The following CCDC178 variants were observed in gnomAD, a reference collection of about 807,000 sequenced individuals.
CCDC178 encodes coiled-coil domain containing 178, also known as coiled-coil domain-containing protein 178.
Under a neutral mutation model 117.4 loss-of-function variants are expected in CCDC178, and 126 were observed. The observed-to-expected ratio is 1.07, with a 90% CI of 0.93 to 1.24. CCDC178 has a LOEUF of 1.24. Ranked by LOEUF, CCDC178 falls within the 50% of genes most tolerant of loss-of-function variation. The probability of loss-of-function intolerance (pLI) is 0.00; values close to 1 mark genes in which losing one functional copy is unlikely to be tolerated. For missense variants in CCDC178, 1,030 were observed against 986.9 expected, an observed-to-expected ratio of 1.04 and a Z score of -0.59; for synonymous variants, 283 against 313.4, an observed-to-expected ratio of 0.90 and a Z score of 1.02.
intron 21 of CCDC178, among the ~76,000 whole-genome samples, chr18:33,044,898 C>G (rs982705922): frequency 6.6e-6 from 1 of 152,024 alleles, no homozygotes; most frequent in Admixed American, 6.6e-5. Flanking sequence ...GGCCATTGTT[C>G]TGAGGGAAAT....
At chr18:33,267,379 A>G (rs1369164785) in intron 12 of CCDC178, 82 bp from the exon 13 acceptor site, 9 of 781,932 alleles carry the variant, frequency 1.2e-5, no homozygotes, top group Admixed American at 8.7e-5. Flanking sequence ...TAATCATGAT[A>G]AAGTAGAATT....
intron 12 of CCDC178, among the ~76,000 whole-genome samples, chr18:33,285,973 GTA>G (rs2060094085): frequency 1.6e-5 from 1 of 62,680 alleles, no homozygotes; most frequent in Non-Finnish European, 3.3e-5. Flanking sequence ...TTAGCAATGT[GTA>G]TTTTTTTTTT....
chr18:33,179,900 A>T (rs993530489), intron 20 of CCDC178, among the ~76,000 whole-genome samples: 1 of 151,970 alleles, frequency 6.6e-6, no homozygotes, highest in Admixed American at 6.6e-5. Flanking sequence ...TTCTTTTTTT[A>T]AAATTTTTTT....
chr18:33,288,573 G>T (rs1321171494), intron 12 of CCDC178, among the ~76,000 whole-genome samples: 1 of 151,300 alleles, frequency 6.6e-6, no homozygotes, highest in Admixed American at 6.6e-5. Context: ...CAGAGACAAA[G>T]AAAGAGTCAC....
chr18:33,316,195 G>A (rs2062412833), intron 11 of CCDC178, among the ~76,000 whole-genome samples: 1 of 152,230 alleles, frequency 6.6e-6, no homozygotes, highest in Admixed American at 6.5e-5. Context: ...CAAGGCCGGA[G>A]CCAGCTCCCT....
rs79310928 is a variant in CCDC178 at position 33,113,822 on chromosome 18, T to A, written c.2239-20912A>T. Among the ~76,000 whole-genome samples, 15 of 152,168 alleles carry A rather than the reference T, an allele frequency of 9.9e-5. No homozygotes were observed. In the East Asian group the frequency reaches 2.9e-3, roughly 30 times the overall value. On this transcript the variant is annotated intron_variant, in intron 20 of 22. Transcript: ENST00000383096. ...ATAGAAATTACAGGGTTTATATATA[T>A]AACCTAAAATCCAGGGGCTTGTTAA...
intron 14 of CCDC178, among the ~76,000 whole-genome samples, chr18:33,264,317 A>C (rs1482266587): frequency 6.6e-6 from 1 of 152,050 alleles, no homozygotes; most frequent in African/African-American, 2.4e-5. Flanking sequence ...AACTATTTTG[A>C]TATATGAATT....
chr18:33,302,904 C>A (rs983907407), intron 11 of CCDC178, among the ~76,000 whole-genome samples: 1 of 151,960 alleles, frequency 6.6e-6, no homozygotes, highest in Non-Finnish European at 1.5e-5. Context: ...TCAAAGGATA[C>A]ACAATTACAG....
chr18:33,204,598 A>G (rs1255114856), intron 20 of CCDC178, among the ~76,000 whole-genome samples: 1 of 152,132 alleles, frequency 6.6e-6, no homozygotes, highest in Non-Finnish European at 1.5e-5. Flanking sequence ...TAAAAAATTT[A>G]TATACCACCA....
chr18:33,394,962 T>C (rs1235008296), intron 4 of CCDC178, among the ~76,000 whole-genome samples: 2 of 131,792 alleles, frequency 1.5e-5, no homozygotes, highest in African/African-American at 2.8e-5. Context: ...TATATATATA[T>C]ATATATATAT....
intron 21 of CCDC178, among the ~76,000 whole-genome samples, chr18:33,082,006 A>G (rs772228696): frequency 1.0e-3 from 155 of 152,224 alleles, no homozygotes; most frequent in Non-Finnish European, 1.2e-3. Flanking sequence ...ACTTATTAAC[A>G]AACTCTTAAA....
intron 22 of CCDC178, among the ~76,000 whole-genome samples, chr18:32,970,163 T>C (rs1174438292): frequency 6.6e-6 from 1 of 151,892 alleles, no homozygotes; most frequent in Non-Finnish European, 1.5e-5. Context: ...ACACCAATTC[T>C]TTGTTCCAGT....
intron 20 of CCDC178, among the ~76,000 whole-genome samples, chr18:33,178,866 A>G (rs781181843): frequency 1.3e-5 from 2 of 150,894 alleles, no homozygotes; most frequent in Non-Finnish European, 2.9e-5. Context: ...TGAACTGTTC[A>G]ATGCACCCCA....
At chr18:33,070,572 T>G (rs2057090880) in intron 21 of CCDC178, among the ~76,000 whole-genome samples, 2 of 152,014 alleles carry the variant, frequency 1.3e-5, no homozygotes, top group Admixed American at 1.3e-4. Context: ...TACAGTTACC[T>G]AGAAGGACTA....
intron 7 of CCDC178, among the ~76,000 whole-genome samples, chr18:33,356,105 TA>T (rs1857131875): frequency 6.6e-6 from 1 of 152,204 alleles, no homozygotes; most frequent in Admixed American, 6.5e-5. Flanking sequence ...GCAAATTTTA[TA>T]GTTGTTTTTG....
chr18:33,343,393 G>A (rs2062843116), intron 9 of CCDC178, among the ~76,000 whole-genome samples: 1 of 152,008 alleles, frequency 6.6e-6, no homozygotes, highest in Admixed American at 6.6e-5. Context: ...TATCTTTTTT[G>A]ATAGGAAAAA....
At chr18:33,055,288 G>C (rs2056810919) in intron 21 of CCDC178, among the ~76,000 whole-genome samples, 1 of 151,660 alleles carries the variant, frequency 6.6e-6, no homozygotes, top group Non-Finnish European at 1.5e-5. Flanking sequence ...ATCCCATTTG[G>C]CATATTTTTC....
chr18:33,395,041 A>G (rs2144841092), intron 4 of CCDC178, among the ~76,000 whole-genome samples: 1 of 145,294 alleles, frequency 6.9e-6, no homozygotes, highest in Admixed American at 7.0e-5. Context: ...AATCTAAAGG[A>G]GAGCAGAAAC....
At chr18:33,014,292 T>C (rs1057259948) in intron 21 of CCDC178, among the ~76,000 whole-genome samples, 4 of 152,348 alleles carry the variant, frequency 2.6e-5, no homozygotes, top group Non-Finnish European at 4.4e-5. Context: ...ACAAGACTCA[T>C]AGTTTAATCA....
Sources: gnomAD v4.1 joint callset for allele counts (sites outside exome capture counted in the v4.1 genomes callset) on GRCh38, gnomAD v4.1.1 for gene constraint, MANE v1.5 for transcripts, NCBI Gene and HGNC (gene_info 2026-07-23, HGNC 2026-07-21) for gene names.